TOR1AIP1: variants seen among roughly 807,000 people sequenced by gnomAD.
TOR1AIP1 encodes torsin 1A interacting protein 1, also known as torsin-1A-interacting protein 1.
TOR1AIP1 carries 54 observed loss-of-function variants against 63.3 expected under a neutral mutation model. The ratio of observed to expected loss-of-function variants is 0.85; its 90% CI spans 0.69 to 1.07. TOR1AIP1 has a LOEUF of 1.07. Ranked by LOEUF, TOR1AIP1 falls within the 50% of genes least tolerant of loss-of-function variation. The pLI, the probability that TOR1AIP1 is intolerant of heterozygous loss-of-function variation, is 0.00. For missense variants in TOR1AIP1, 736 were observed against 715.0 expected (o/e 1.03, Z -0.33); for synonymous variants, 294 against 273.5 (o/e 1.07, Z -0.74).
At chr1:179,907,593 T>TTATATATATATGTATATATA (rs1648680034) in intron 6 of TOR1AIP1, among the ~76,000 whole-genome samples, 1 of 63,268 alleles carries the variant, frequency 1.6e-5, no homozygotes, top group Non-Finnish European at 3.3e-5. Context: ...CACACACACT[T>TTATATATATATGTATATATA]TATATATATA....
At chr1:179,904,108 C>A in intron 6 of TOR1AIP1, 86 bp downstream of exon 6, 2 of 1,003,110 alleles carry the variant, frequency 2.0e-6, no homozygotes, top group South Asian at 1.6e-5. Context: ...TGAAATTTAA[C>A]GTAAATATTG....
At chr1:179,898,517 T>G (rs1156318083) in intron 3 of TOR1AIP1, among the ~76,000 whole-genome samples, 2 of 152,122 alleles carry the variant, frequency 1.3e-5, no homozygotes, top group Non-Finnish European at 2.9e-5. Flanking sequence ...ACTTAGATAA[T>G]AAAACTTCAA....
chr1:179,907,911 C>CAA, intron 7 of TOR1AIP1, 47 bp downstream of exon 7: 12 of 636,556 alleles, frequency 1.9e-5, no homozygotes, highest in Non-Finnish European at 2.8e-5. Flanking sequence ...CAATTCTTTT[C>CAA]TCTTTTTTTT....
At chr1:179,916,054 C>T (rs998259204) in intron 9 of TOR1AIP1, among the ~76,000 whole-genome samples, 1 of 152,148 alleles carries the variant, frequency 6.6e-6, no homozygotes, top group Admixed American at 6.5e-5. Flanking sequence ...AGAATATTGA[C>T]ATATGTACTC....
rs1468264550 is a variant in TOR1AIP1 at position 179,901,387 on chromosome 1, AG to A, written c.739+1del. On this transcript the variant is annotated frameshift_variant and splice_region_variant, in exon 5 of 10. Coordinates refer to ENST00000606911, the MANE Select transcript of TOR1AIP1 (RefSeq NM_015602.4). LOFTEE classifies it high-confidence loss of function. The stretch of plus-strand genomic sequence containing the variant: ...GATCCAGGGATTCTGATGAATCTGG[AG>A]GTAATATTGCTTTATATACATATGA... ...ARSRDSDESG[D>X]KTTRSSSQYI... 8.2e-6 allele frequency: 13 copies of A among 1,592,406 alleles called. No homozygotes were observed. Among genetic ancestry groups the A allele is most frequent in the Non-Finnish European group, 1.0e-5 (12 of 1,164,300 alleles).
intron 6 of TOR1AIP1, among the ~76,000 whole-genome samples, chr1:179,905,303 G>A (rs574324426): frequency 1.3e-5 from 2 of 152,152 alleles, no homozygotes; most frequent in African/African-American, 4.8e-5. Flanking sequence ...TGAACCTGAG[G>A]GGGCAGTGCG....
At chr1:179,884,828 G>T in intron 2 of TOR1AIP1, 59 bp downstream of exon 2, 1 of 1,327,062 alleles carries the variant, frequency 7.5e-7, no homozygotes, top group South Asian at 1.3e-5. Flanking sequence ...AATGTTCATT[G>T]AATTAAACAA....
At chr1:179,909,881 G>C (rs1648778523) in intron 8 of TOR1AIP1, among the ~76,000 whole-genome samples, 1 of 152,122 alleles carries the variant, frequency 6.6e-6, no homozygotes, top group Non-Finnish European at 1.5e-5. Context: ...TTGTGCCTTA[G>C]CCTCCTAAGT....
intron 3 of TOR1AIP1, among the ~76,000 whole-genome samples, chr1:179,896,167 T>G (rs1648257500): frequency 6.6e-6 from 1 of 152,228 alleles, no homozygotes; most frequent in African/African-American, 2.4e-5. Flanking sequence ...TTCAGACTTT[T>G]TAAGTTGCTA....
chr1:179,908,246 A>G (rs1204305542), intron 7 of TOR1AIP1, among the ~76,000 whole-genome samples: 1 of 151,992 alleles, frequency 6.6e-6, no homozygotes, highest in Admixed American at 6.6e-5. Context: ...TTCTCCCAAC[A>G]AAAGTTGTAA....
At chr1:179,911,983 CTT>C (rs199753076) in intron 8 of TOR1AIP1, among the ~76,000 whole-genome samples, 1 of 116,702 alleles carries the variant, frequency 8.6e-6, no homozygotes, top group African/African-American at 3.1e-5. Flanking sequence ...TTCTTTTTTT[CTT>C]TTTTTTTTTC....
At position 179,917,919 on chromosome 1, in the gene TOR1AIP1, G is replaced by A; in HGVS notation, c.1432G>A (p.Val478Ile). ...TAAGAATGGCCAGAATGCAGCTGTG[G>A]TACACCGCTTTGAGTCATTTCCCGC... ...GFKNGQNAAV[V>I]HRFESFPAGS... The change falls in exon 10 of 10, where the codon GTA becomes ATA. Residue 478 changes from valine (V) to isoleucine (I), a missense_variant. Val to Ile is a conservative substitution (Grantham distance 29). Transcript: ENST00000606911. 1 of 1,614,188 alleles carries A rather than the reference G, an allele frequency of 6.2e-7. No individual in the cohort carries two copies. Among genetic ancestry groups the A allele is most frequent in the Non-Finnish European group, 8.5e-7 (1 of 1,180,046 alleles).
chr1:179,903,486 A>C (rs1010178081), intron 5 of TOR1AIP1, among the ~76,000 whole-genome samples: 1 of 150,966 alleles, frequency 6.6e-6, no homozygotes, highest in African/African-American at 2.4e-5. Context: ...TAGATGTGAC[A>C]TGACTCTTTA....
At position 179,917,687 on chromosome 1, in the gene TOR1AIP1, C is replaced by T. The variant is rs766692812; in HGVS notation, c.1200C>T (p.Ser400=). The T allele has an allele frequency of 2.5e-6, 4 of 1,614,198 alleles. No homozygotes were observed. The Admixed American group carries it at 5.0e-5, about 20-fold the overall frequency. The stretch of plus-strand genomic sequence containing the variant: ...CATTCCTGGAAAAACATCTTAATAG[C>T]TCCCATCCTCGGTCTCAGCCTGCTA... ...SQTFLEKHLN[S]SHPRSQPAIL... is the part of the protein sequence containing the mutation. The change falls in exon 10 of 10, where the codon AGC becomes AGT. Residue 400 remains serine, a synonymous_variant. Coordinates refer to ENST00000606911, the MANE Select transcript of TOR1AIP1 (RefSeq NM_015602.4).
In TOR1AIP1 at chr1:179,884,681, CTG is replaced by C. The variant is rs756477121; in HGVS notation, c.476-9_476-8del. On this transcript the variant is annotated splice_polypyrimidine_tract_variant and intron_variant, in intron 1 of 9. Transcript: ENST00000606911. The stretch of plus-strand genomic sequence containing the variant: ...TTCTGAATTTTAACTCTTGTTATGT[CTG>C]TTTTTTAGAGGATGAAGCATCTTCC... 6.2e-7 allele frequency: 1 copy of C among 1,600,206 alleles called. No individual in the cohort carries two copies. Among genetic ancestry groups the C allele is most frequent in the Non-Finnish European group, 8.5e-7 (1 of 1,174,464 alleles).
chr1:179,889,939 G>A (rs1296055625), intron 3 of TOR1AIP1, among the ~76,000 whole-genome samples: 1 of 151,888 alleles, frequency 6.6e-6, no homozygotes, highest in Non-Finnish European at 1.5e-5. Flanking sequence ...CATGAGCCAC[G>A]GCACCTGGCT....
chr1:179,899,085 T>C (rs914868502), intron 3 of TOR1AIP1, among the ~76,000 whole-genome samples: 4 of 152,222 alleles, frequency 2.6e-5, no homozygotes, highest in Admixed American at 2.6e-4. Flanking sequence ...AGTTGCTTTC[T>C]ATAATACTAT....
At chr1:179,903,005 C>CAAAA (rs775587306) in intron 5 of TOR1AIP1, among the ~76,000 whole-genome samples, 1 of 135,966 alleles carries the variant, frequency 7.4e-6, no homozygotes, top group Non-Finnish European at 1.6e-5. Flanking sequence ...GACTCCATCT[C>CAAAA]AAAAAAAAAA....
At chr1:179,892,826 G>T (rs771376383) in intron 3 of TOR1AIP1, among the ~76,000 whole-genome samples, 2 of 151,830 alleles carry the variant, frequency 1.3e-5, no homozygotes, top group East Asian at 3.9e-4. Flanking sequence ...TAAGCACCTT[G>T]TAATAAAAAC....
Sources: gnomAD v4.1 joint callset for allele counts (sites outside exome capture counted in the v4.1 genomes callset) on GRCh38, gnomAD v4.1.1 for gene constraint, MANE v1.5 for transcripts, NCBI Gene and HGNC (gene_info 2026-07-23, HGNC 2026-07-21) for gene names.